ADARB1: variants seen among roughly 807,000 people sequenced by gnomAD.
ADARB1 encodes the protein adenosine deaminase RNA specific B1, also known as double-stranded RNA-specific editase 1.
In ADARB1, 10 loss-of-function variants were observed where a neutral mutation model predicts 52.4. That is an observed-to-expected ratio of 0.19 (90% CI 0.12 to 0.32). The LOEUF (loss-of-function observed/expected upper bound fraction) is 0.32, where lower values mean the gene tolerates loss of function less well. Ranked by LOEUF, ADARB1 falls within the 10% of genes least tolerant of loss-of-function variation. The probability of loss-of-function intolerance (pLI) is 1.00; values close to 1 mark genes in which losing one functional copy is unlikely to be tolerated. For missense variants in ADARB1, 643 were observed against 922.3 expected (o/e 0.70, Z 3.92); for synonymous variants, 349 against 371.1 (o/e 0.94, Z 0.68).
intron 1 of ADARB1, among the ~76,000 whole-genome samples, chr21:45,095,702 GTC>G (rs1243681017): frequency 6.6e-6 from 1 of 152,182 alleles, no homozygotes; most frequent in Non-Finnish European, 1.5e-5. Flanking sequence ...AGGAAGGGGT[GTC>G]TCTGCATCAG....
intron 1 of ADARB1, among the ~76,000 whole-genome samples, chr21:45,075,363 C>G (rs1259889904): frequency 6.6e-6 from 1 of 151,806 alleles, no homozygotes; most frequent in African/African-American, 2.4e-5. Context: ...CGGGATGAGG[C>G]TGGGCCCGGG....
chr21:45,176,795 A>C lies in ADARB1; in HGVS notation c.963+131A>C. The C allele has an allele frequency of 9.4e-7, 1 of 1,062,076 alleles. No individual in the cohort carries two copies. Among genetic ancestry groups the C allele is most frequent in the Non-Finnish European group, 1.3e-6 (1 of 758,484 alleles). The allele number at this position is 1,062,076 out of a possible 1,614,324, so 65.8% of individuals were successfully genotyped here. A position where few individuals can be genotyped will look rare whatever the true frequency, so the allele number is the denominator to read the frequency against. ...CACTCTGTCCCCACCAGGAGGAGTTACTGGTAAGTCTGGCTGCTTGATTTC... is the reference window on the plus strand; with the variant it reads ...CACTCTGTCCCCACCAGGAGGAGTTCCTGGTAAGTCTGGCTGCTTGATTTC... On this transcript the variant is annotated intron_variant, in intron 4 of 10. Coordinates refer to ENST00000348831, the MANE Select transcript of ADARB1 (RefSeq NM_001112.4). The surrounding 1 kb of genome is among the most constrained non-coding windows in gnomAD (Gnocchi z 5.8).
At chr21:45,081,792 A>C (rs1006563149) in intron 1 of ADARB1, among the ~76,000 whole-genome samples, 1 of 152,164 alleles carries the variant, frequency 6.6e-6, no homozygotes, top group Non-Finnish European at 1.5e-5. Flanking sequence ...AGGGGGGACA[A>C]CAGCCTTCTG....
At chr21:45,107,187 G>C (rs1392975117) in intron 1 of ADARB1, among the ~76,000 whole-genome samples, 1 of 152,198 alleles carries the variant, frequency 6.6e-6, no homozygotes, top group Admixed American at 6.5e-5. Flanking sequence ...CAAAAGCTAA[G>C]TGAAGAAAAC....
Position 45,171,682 on chromosome 21 carries a change from T to C in ADARB1, c.26T>C (p.Met9Thr). MDIEDEEN[M>T]SSSSTDVKEN... ...ATGGATATAGAAGATGAAGAAAACA[T>C]GAGTAAGATCTAGGCCTATCACGTA... Residue 9 changes from methionine (M) to threonine (T), a missense_variant and splice_region_variant, in exon 3 of 11, where the codon ATG becomes ACG. Physicochemically the swap from Met to Thr is moderately conservative, Grantham distance 81. This residue lies in a region of ADARB1 where 380 missense variants were observed against 446.5 expected (regional missense o/e 0.85). Transcript: ENST00000348831. The C allele has an allele frequency of 6.2e-7, 1 of 1,613,256 alleles. No individual in the cohort carries two copies. The highest frequency in any genetic ancestry group is 8.5e-7 in the Non-Finnish European group (1 of 1,179,624).
At chr21:45,153,008 A>C (rs971284211) in intron 2 of ADARB1, among the ~76,000 whole-genome samples, 2 of 152,270 alleles carry the variant, frequency 1.3e-5, no homozygotes, top group Non-Finnish European at 2.9e-5. Flanking sequence ...TTTGAGCTAC[A>C]GAAAAGGTTT....
intron 1 of ADARB1, among the ~76,000 whole-genome samples, chr21:45,114,709 T>C (rs1450448220): frequency 6.6e-6 from 1 of 152,244 alleles, no homozygotes; most frequent in South Asian, 2.1e-4. Context: ...ATAGCTAACA[T>C]TTATTGAGTT....
At chr21:45,206,654 G>C (rs932765055) in intron 9 of ADARB1, among the ~76,000 whole-genome samples, 1 of 129,210 alleles carries the variant, frequency 7.7e-6, no homozygotes, top group African/African-American at 2.9e-5. Flanking sequence ...GCTCACTGCA[G>C]CCTCCACTTC....
In ADARB1 at chr21:45,223,330, A is replaced by G. The variant is rs1465448387; in HGVS notation, c.*1133A>G. The G allele has an allele frequency of 1.0e-6, 1 of 985,372 alleles. No individual in the cohort carries two copies. Among genetic ancestry groups the G allele is most frequent in the Admixed American group, 6.1e-5 (1 of 16,272 alleles). The allele number at this position is 985,372 out of a possible 1,614,324, so 61.0% of individuals were successfully genotyped here. ...GCTGCTGGCGTAGTGTAGGCCAGAC[A>G]TTGACAGTCCTGACGGGAGCTCAGG... On this transcript the variant is annotated 3_prime_UTR_variant, in exon 11 of 11. Coordinates refer to ENST00000348831, the MANE Select transcript of ADARB1 (RefSeq NM_001112.4).
chr21:45,130,123 G>A (rs774196397), intron 2 of ADARB1, among the ~76,000 whole-genome samples: 3 of 152,188 alleles, frequency 2.0e-5, no homozygotes, highest in African/African-American at 7.2e-5. Flanking sequence ...AAAGAATGAG[G>A]ATCCCAGAGT....
chr21:45,091,028 A>G (rs1398469117), intron 1 of ADARB1, among the ~76,000 whole-genome samples: 1 of 152,276 alleles, frequency 6.6e-6, no homozygotes, highest in Non-Finnish European at 1.5e-5. Flanking sequence ...CATCAACTTC[A>G]TATAAACTGA....
chr21:45,080,169 T>C (rs914292812), intron 1 of ADARB1, among the ~76,000 whole-genome samples: 2 of 152,072 alleles, frequency 1.3e-5, no homozygotes, highest in African/African-American at 4.8e-5. Flanking sequence ...GGTGGGAACA[T>C]CAGTGTAGAC....
At position 45,224,309 on chromosome 21, in the gene ADARB1, C is replaced by A; in HGVS notation, c.*2112C>A. 2 of 985,510 alleles carry A rather than the reference C, an allele frequency of 2.0e-6. No individual in the cohort carries two copies. The highest frequency in any genetic ancestry group is 2.4e-6 in the Non-Finnish European group (2 of 830,012). The allele number at this position is 985,510 out of a possible 1,614,324, so 61.0% of individuals were successfully genotyped here. ...ATAGCTAAAGTCAGCATGATTGCTC[C>A]CTGTACCACCCCAAATAAGTGAGTG... On this transcript the variant is annotated 3_prime_UTR_variant, in exon 11 of 11. Transcript: ENST00000348831.
At chr21:45,090,577 C>T (rs2086523055) in intron 1 of ADARB1, among the ~76,000 whole-genome samples, 1 of 152,174 alleles carries the variant, frequency 6.6e-6, no homozygotes, top group Non-Finnish European at 1.5e-5. Context: ...ACAGTCTTCT[C>T]TCATGAACAG....
At chr21:45,082,610 C>G (rs1325702730) in intron 1 of ADARB1, among the ~76,000 whole-genome samples, 1 of 152,188 alleles carries the variant, frequency 6.6e-6, no homozygotes, top group Admixed American at 6.5e-5. Flanking sequence ...AAAACTGATG[C>G]TAAGGGGCTC....
rs763301154 is a variant in ADARB1, at chr21:45,220,828, C to T, written c.1748-8C>T. The T allele has an allele frequency of 9.9e-6, 16 of 1,611,416 alleles. No homozygotes were observed. The highest frequency in any genetic ancestry group is 2.2e-5 in the South Asian group (2 of 91,024). Reference sequence around the variant, plus strand: ...CTTCACACCACCTTCCTGTGTCTTCCGTTTCAGGCATCAGCAATGCAGAAG... The same window carrying T: ...CTTCACACCACCTTCCTGTGTCTTCTGTTTCAGGCATCAGCAATGCAGAAG... On this transcript the variant is annotated splice_region_variant and splice_polypyrimidine_tract_variant and intron_variant, in intron 9 of 10. Coordinates refer to ENST00000348831, the MANE Select transcript of ADARB1 (RefSeq NM_001112.4). This position sits in a 1 kb window ranked among gnomAD's most constrained non-coding sequence, Gnocchi z 6.3.
chr21:45,153,242 AT>A (rs148669575), intron 2 of ADARB1, among the ~76,000 whole-genome samples: 5 of 151,914 alleles, frequency 3.3e-5, no homozygotes, highest in African/African-American at 7.3e-5. Flanking sequence ...TAAAATCTAG[AT>A]TTTTTTTCTC....
chr21:45,182,224 C>T (rs1164959510), intron 5 of ADARB1, among the ~76,000 whole-genome samples: 1 of 152,168 alleles, frequency 6.6e-6, no homozygotes, highest in African/African-American at 2.4e-5. Context: ...ATTACCAGAC[C>T]AGTTAGTCCA....
At chr21:45,130,539 C>A (rs2088867756) in intron 2 of ADARB1, among the ~76,000 whole-genome samples, 1 of 152,212 alleles carries the variant, frequency 6.6e-6, no homozygotes. Context: ...ATTTCGGCAG[C>A]AAACAGTTTG....
Sources: gnomAD v4.1 joint callset for allele counts (sites outside exome capture counted in the v4.1 genomes callset) on GRCh38, gnomAD v4.1.1 for gene constraint, gnomAD v4.1.1 regional missense constraint, Gnocchi (gnomAD v3.1) non-coding constraint, MANE v1.5 for transcripts, NCBI Gene and HGNC (gene_info 2026-07-23, HGNC 2026-07-21) for gene names.